Variants in ABCB9 observed in about 807,000 individuals in gnomAD.
The protein encoded by ABCB9 is ATP binding cassette subfamily B member 9.
A neutral mutation model predicts 62.0 loss-of-function variants in ABCB9; 36 were observed. The observed-to-expected ratio is 0.58, with a 90% CI of 0.45 to 0.77. ABCB9 has a LOEUF of 0.77. Ranked by LOEUF, ABCB9 falls within the 30% of genes least tolerant of loss-of-function variation. The pLI is 0.00. For missense variants in ABCB9, 943 were observed against 1,054.7 expected, an observed-to-expected ratio of 0.89 and a Z score of 1.47; for synonymous variants, 435 against 461.4, an observed-to-expected ratio of 0.94 and a Z score of 0.73.
downstream of ABCB9, chr12:122,924,617 C>T: frequency 1.4e-6 from 2 of 1,437,358 alleles, no homozygotes; most frequent in South Asian, 1.4e-5. Context: ...GTGATGAAGA[C>T]AAACTCTAAT....
Position 122,959,722 on chromosome 12 carries a change from C to T in ABCB9, c.514G>A (p.Ala172Thr), listed in dbSNP as rs1256796900. 4 of 1,611,032 alleles carry T rather than the reference C, an allele frequency of 2.5e-6. No homozygotes were observed. The highest frequency in any genetic ancestry group is 3.4e-6 in the Non-Finnish European group (4 of 1,178,536). ...TAGGAGAGCAGCTTCTGCAGCGTGG[C>T]CCCAGACGCCTGCTCGGGCGGTGGC... Reference protein sequence around the residue: ...GRPPPEQASGATLQKLLSYTK... With the variant: ...GRPPPEQASGTTLQKLLSYTK... The change falls in exon 2 of 12, where the codon GCC becomes ACC. Residue 172 changes from alanine (A) to threonine (T), a missense_variant. Coordinates refer to ENST00000280560, the MANE Select transcript of ABCB9 (RefSeq NM_019625.4). The surrounding 1 kb of genome is among the most constrained non-coding windows in gnomAD (Gnocchi z 5.4).
rs899214783 is a variant in ABCB9, at chr12:122,940,454, G to A, written c.1570-170C>T. 1.3e-5 allele frequency among the ~76,000 whole-genome samples: 2 copies of A among 152,148 alleles called. No individual in the cohort carries two copies. The highest frequency in any genetic ancestry group is 2.9e-5 in the Non-Finnish European group (2 of 68,022). The stretch of plus-strand genomic sequence containing the variant: ...CTTTCTAAGACACTAGGACTTGGAA[G>A]CACCTTGAGATTTGCTGTTTCCTCT... On this transcript the variant is annotated intron_variant, in intron 8 of 11. Transcript: ENST00000280560. The surrounding 1 kb of genome is among the most constrained non-coding windows in gnomAD (Gnocchi z 4.8).
intron 1 of ABCB9, among the ~76,000 whole-genome samples, chr12:122,961,596 A>T (rs2036911514): frequency 6.6e-6 from 1 of 152,200 alleles, no homozygotes; most frequent in African/African-American, 2.4e-5. Flanking sequence ...CTATCTGGGG[A>T]AAAGCACTTG....
At chr12:122,973,486 C>T (rs1272160744) in intron 1 of ABCB9, among the ~76,000 whole-genome samples, 2 of 133,176 alleles carry the variant, frequency 1.5e-5, no homozygotes, top group African/African-American at 5.8e-5. Flanking sequence ...ATGGCGTGAA[C>T]CCGGGAAGCG....
chr12:122,944,328 T>G lies in ABCB9; in HGVS notation c.1380+63A>C. The G allele has an allele frequency of 6.7e-7, 1 of 1,492,788 alleles. No individual in the cohort carries two copies. Among genetic ancestry groups the G allele is most frequent in the Non-Finnish European group, 9.1e-7 (1 of 1,095,196 alleles). 92.5% of individuals were successfully genotyped at this position (1,492,788 alleles called of 1,614,324 possible). On this transcript the variant is annotated intron_variant, in intron 7 of 11. Coordinates refer to ENST00000280560, the MANE Select transcript of ABCB9 (RefSeq NM_019625.4). The surrounding 1 kb of genome is among the most constrained non-coding windows in gnomAD (Gnocchi z 4.9). ...CCCTGGAGCCCCGCCCCCACCCTGT[T>G]AAGATCCCTCTTCCCCAAACTCCTC...
At chr12:122,969,269 A>G (rs1307658156), upstream of ABCB9, among the ~76,000 whole-genome samples, 1 of 151,612 alleles carries the variant, frequency 6.6e-6, no homozygotes, top group Non-Finnish European at 1.5e-5. Flanking sequence ...GCTCTGGTAA[A>G]CTTGGACTAA....
At chr12:122,935,483 C>G in intron 9 of ABCB9, 52 bp from the exon 10 acceptor site, 1 of 1,574,874 alleles carries the variant, frequency 6.3e-7, no homozygotes, top group East Asian at 2.3e-5. Flanking sequence ...GTTCATCCAG[C>G]TGTCCCCAGC....
At chr12:122,961,522 A>G (rs984808688) in intron 1 of ABCB9, among the ~76,000 whole-genome samples, 5 of 152,182 alleles carry the variant, frequency 3.3e-5, no homozygotes, top group Admixed American at 2.0e-4. Flanking sequence ...GGGCCAGAGA[A>G]GACCTCGCTG....
At chr12:122,945,292 C>T (rs2035973632) in intron 6 of ABCB9, among the ~76,000 whole-genome samples, 1 of 152,222 alleles carries the variant, frequency 6.6e-6, no homozygotes, top group Non-Finnish European at 1.5e-5. Flanking sequence ...TCCAAACCCT[C>T]CTCATTCCTC....
At chr12:122,948,590 T>A (rs10848106) in intron 5 of ABCB9, 34 bp downstream of exon 5, 3 of 1,553,056 alleles carry the variant, frequency 1.9e-6, no homozygotes, top group African/African-American at 1.4e-5. Context: ...GCTGCCAGGG[T>A]GCACAGTCCC....
chr12:122,949,806 A>C lies in ABCB9; in HGVS notation c.829T>G (p.Phe277Val). ...GACCAACCTGTGCGGTTCTCATCAA[A>C]GAAGCTTGTCTCCTGGGACACCAGT... ...RSLVSQETSF[F>V]DENRTGDLIS... The change falls in exon 4 of 12, where the codon TTT becomes GTT. Residue 277 changes from phenylalanine to valine, a missense_variant. By Grantham distance (50) the Phe-to-Val change is conservative. Transcript: ENST00000280560. 1 of 1,614,172 alleles carries C rather than the reference A, an allele frequency of 6.2e-7. No individual in the cohort carries two copies. Among genetic ancestry groups the C allele is most frequent in the South Asian group, 1.1e-5 (1 of 91,084 alleles).
chr12:122,929,933 G>T lies in ABCB9; in HGVS notation c.2279C>A (p.Ala760Asp), dbSNP rs1465478159. Residue 760 changes from alanine (A) to aspartate (D), a missense_variant, in exon 12 of 12, where the codon GCC becomes GAC. By Grantham distance (126) the Ala-to-Asp change is moderately radical. Transcript: ENST00000280560. The surrounding 1 kb of genome is among the most constrained non-coding windows in gnomAD (Gnocchi z 6.0). Reference protein sequence around the residue: ...DFTAGHNEPVANGSHKA With the variant: ...DFTAGHNEPVDNGSHKA ...CCATCAGGCCTTGTGACTGCCGTTGGCTACAGGCTCGTTGTGGCCAGCTGT... is the reference window on the plus strand; with the variant it reads ...CCATCAGGCCTTGTGACTGCCGTTGTCTACAGGCTCGTTGTGGCCAGCTGT... 1.3e-6 allele frequency: 2 copies of T among 1,564,628 alleles called. No homozygotes were observed. The highest frequency in any genetic ancestry group is 1.7e-5 in the Admixed American group (1 of 57,680).
intron 2 of ABCB9, among the ~76,000 whole-genome samples, chr12:122,957,979 G>C (rs2036694541): frequency 6.6e-6 from 1 of 151,222 alleles, no homozygotes; most frequent in Non-Finnish European, 1.5e-5. Context: ...AGACTAGCCT[G>C]GCCAACATGG....
At chr12:122,973,186 G>A (rs911036519) in intron 1 of ABCB9, 1 of 152,300 alleles carries the variant, frequency 6.6e-6, no homozygotes, top group African/African-American at 2.4e-5. Context: ...TCCATGGAGA[G>A]GGCCAATCTA....
chr12:122,926,282 C>T (rs560906637), downstream of ABCB9, among the ~76,000 whole-genome samples: 8 of 152,266 alleles, frequency 5.3e-5, no homozygotes, highest in Admixed American at 3.3e-4. Flanking sequence ...CAGTGGCTCA[C>T]ACCTCTAATC....
intron 2 of ABCB9, 151 bp from the exon 3 acceptor site, chr12:122,950,716 GC>G: frequency 3.2e-6 from 2 of 619,094 alleles, no homozygotes; most frequent in Non-Finnish European, 5.7e-6. Flanking sequence ...CCATCGTGGG[GC>G]CCCAGGGTGC....
At position 122,960,007 on chromosome 12, in the gene ABCB9, G is replaced by A. The variant is rs761082318; in HGVS notation, c.229C>T (p.Arg77Trp). 8.7e-6 allele frequency: 14 copies of A among 1,613,286 alleles called. No homozygotes were observed. The African/African-American group carries it at 1.2e-4, about 14-fold the overall frequency. The part of the protein sequence containing the change: ...GVAKNSALGP[R>W]RLRASWLVIT... ...ACCAGCCACGAGGCCCGCAGCCGCC[G>A]GGGCCCCAGCGCACTGTTCTTGGCC... The change falls in exon 2 of 12, where the codon CGG (arginine) becomes TGG (tryptophan). Residue 77 changes from arginine to tryptophan, a missense_variant. Arg to Trp is a moderately radical substitution (Grantham distance 101). Transcript: ENST00000280560.
chr12:122,944,267 T>G lies in ABCB9; in HGVS notation c.1380+124A>C. ...CTTGATATGATCATGCTGTCTCCCC[T>G]ACTTACCTTAGAGAGAAATACCACA... On this transcript the variant is annotated intron_variant, in intron 7 of 11. Coordinates refer to ENST00000280560, the MANE Select transcript of ABCB9 (RefSeq NM_019625.4). This position sits in a 1 kb window ranked among gnomAD's most constrained non-coding sequence, Gnocchi z 4.9. The G allele has an allele frequency of 1.4e-6, 2 of 1,392,172 alleles. No individual in the cohort carries two copies. The highest frequency in any genetic ancestry group is 2.7e-5 in the South Asian group (2 of 74,424). 86.2% of individuals were successfully genotyped at this position (1,392,172 alleles called of 1,614,324 possible).
intron 10 of ABCB9, among the ~76,000 whole-genome samples, chr12:122,933,666 T>C (rs2035310551): frequency 6.6e-6 from 1 of 152,122 alleles, no homozygotes; most frequent in South Asian, 2.1e-4. Context: ...ATATATTTAT[T>C]ATATCAATTA....
Sources: gnomAD v4.1 joint callset for allele counts (sites outside exome capture counted in the v4.1 genomes callset) on GRCh38, gnomAD v4.1.1 for gene constraint, Gnocchi (gnomAD v3.1) non-coding constraint, MANE v1.5 for transcripts, NCBI Gene and HGNC (gene_info 2026-07-23, HGNC 2026-07-21) for gene names.